Variants in DMD observed in about 807,000 individuals in gnomAD.
DMD encodes mutant dystrophin.
DMD carries 63 observed loss-of-function variants against 330.1 expected under a neutral mutation model. The observed-to-expected ratio is 0.19, with a 90% CI of 0.16 to 0.24. The LOEUF is 0.24. DMD is among the 10% of genes least tolerant of loss of function. DMD has a pLI of 1.00. For missense variants in DMD, 3,344 were observed against 2,684.1 expected (o/e 1.25, Z -5.43); for synonymous variants, 1,223 against 959.8 (o/e 1.27, Z -5.07).
Position 33,292,439 on chromosome X carries a change from C to T in DMD, c.7+46820G>A, listed in dbSNP as rs779289753. Reference sequence around the variant, plus strand: ...TTATTTATAAACAGATATACATATTCGGAAGATCTTCAAAGTAGTACATTG... The same window carrying T: ...TTATTTATAAACAGATATACATATTTGGAAGATCTTCAAAGTAGTACATTG... On this transcript the variant is annotated intron_variant, in intron 1 of 17. Coordinates refer to the DMD transcript ENST00000288447. Among the ~76,000 whole-genome samples the T allele has an allele frequency of 4.5e-5, 5 of 111,083 alleles. No individual in the cohort carries two copies. The East Asian group carries it at 1.4e-3, about 31-fold the overall frequency.
intron 1 of DMD, 78 bp downstream of exon 1, chrX:33,211,204 A>G (rs1431279579): frequency 2.7e-6 from 3 of 1,119,773 alleles, no homozygotes; most frequent in Non-Finnish European, 3.6e-6. Flanking sequence ...TTTAAAATCA[A>G]TCTACCTAAT....
intron 44 of DMD, among the ~76,000 whole-genome samples, chrX:32,187,732 T>A (rs1383941597): frequency 9.0e-6 from 1 of 111,376 alleles, no homozygotes; most frequent in South Asian, 3.7e-4. Flanking sequence ...TACAACTTTT[T>A]AACCCCTAAC....
intron 7 of DMD, among the ~76,000 whole-genome samples, chrX:32,767,583 A>C (rs1192725401): frequency 9.0e-6 from 1 of 111,565 alleles, no homozygotes; most frequent in Non-Finnish European, 1.9e-5. Context: ...TCAACAAGAA[A>C]ATTTTGTAAT....
intron 43 of DMD, among the ~76,000 whole-genome samples, chrX:32,282,170 AC>A (rs2097423051): frequency 1.8e-5 from 2 of 111,807 alleles, no homozygotes; most frequent in Non-Finnish European, 1.9e-5. Context: ...GGAAACACTC[AC>A]TAATGGCTTA....
At chrX:31,501,198 ACTTC>A (rs1381070706) in intron 56 of DMD, among the ~76,000 whole-genome samples, 6 of 112,056 alleles carry the variant, frequency 5.4e-5, no homozygotes, top group Non-Finnish European at 1.1e-4. Context: ...TCTGTATGTC[ACTTC>A]CTTTTTCTAT....
At chrX:33,256,600 C>G (rs763278040) in intron 1 of DMD, among the ~76,000 whole-genome samples, 6 of 109,012 alleles carry the variant, frequency 5.5e-5, no homozygotes, top group African/African-American at 2.0e-4. Context: ...ACTTTTCAAC[C>G]GAGAATGTAC....
At chrX:32,347,469 C>T (rs745437879) in intron 38 of DMD, among the ~76,000 whole-genome samples, 6 of 111,400 alleles carry the variant, frequency 5.4e-5, no homozygotes, top group South Asian at 3.7e-4. Context: ...AAGCCTCTTC[C>T]GTCTTTCCAC....
chrX:32,083,270 A>G (rs905653414), intron 44 of DMD, among the ~76,000 whole-genome samples: 9 of 82,353 alleles, frequency 1.1e-4, no homozygotes, highest in Non-Finnish European at 2.0e-4. Context: ...TGAATAAAAA[A>G]TCTTTTTTTT....
Position 33,174,287 on chromosome X carries a change from A to G in DMD, c.31+36995T>C, listed in dbSNP as rs1047835159. Among the ~76,000 whole-genome samples, 19 of 110,843 alleles carry G rather than the reference A, an allele frequency of 1.7e-4. 1 individual carries two copies. Among genetic ancestry groups the G allele is most frequent in the African/African-American group, 5.9e-4 (18 of 30,525 alleles). On this transcript the variant is annotated intron_variant, in intron 1 of 78. Transcript: ENST00000357033. ...TAAAGGATGGTGATGAGGAATGGTG[A>G]GTTTCCAGGTCACTGGAAACTGAAA...
At chrX:31,988,810 A>T (rs111984306) in intron 44 of DMD, among the ~76,000 whole-genome samples, 147 of 109,969 alleles carry the variant, frequency 1.3e-3, no homozygotes, top group African/African-American at 4.3e-3. Flanking sequence ...TCTCTCTCGA[A>T]ACCAGAGAGG....
At chrX:31,314,131 G>C (rs1467588705) in intron 62 of DMD, among the ~76,000 whole-genome samples, 1 of 112,033 alleles carries the variant, frequency 8.9e-6, no homozygotes, top group Non-Finnish European at 1.9e-5. Context: ...CACCACGCCC[G>C]ACTGATAGCC....
At chrX:31,437,882 T>C (rs2064652997) in intron 60 of DMD, among the ~76,000 whole-genome samples, 2 of 107,714 alleles carry the variant, frequency 1.9e-5, no homozygotes, top group Non-Finnish European at 3.8e-5. Context: ...TACATCTATA[T>C]CATATATATA....
At chrX:31,339,035 G>A (rs2057574734) in intron 61 of DMD, among the ~76,000 whole-genome samples, 1 of 108,852 alleles carries the variant, frequency 9.2e-6, no homozygotes, top group Non-Finnish European at 1.9e-5. Flanking sequence ...CTGATTTCAA[G>A]CTACCAAAGG....
chrX:33,143,574 G>A (rs2047895887), intron 1 of DMD, among the ~76,000 whole-genome samples: 1 of 111,181 alleles, frequency 9.0e-6, no homozygotes, highest in Non-Finnish European at 1.9e-5. Context: ...CCCTTATTTA[G>A]GGTAGAGGGC....
chrX:32,587,471 T>C (rs2054427288), intron 13 of DMD, among the ~76,000 whole-genome samples: 1 of 112,381 alleles, frequency 8.9e-6, no homozygotes. Flanking sequence ...TTGACTTCTT[T>C]ATATTTTGCC....
intron 1 of DMD, among the ~76,000 whole-genome samples, chrX:33,228,804 C>T (rs1284552646): frequency 1.8e-5 from 2 of 108,127 alleles, no homozygotes; most frequent in East Asian, 5.8e-4. Flanking sequence ...AACTGCCAAA[C>T]TATTTTCCAG....
intron 8 of DMD, among the ~76,000 whole-genome samples, 171 bp from the exon 9 acceptor site, chrX:32,698,169 G>C (rs1247646933): frequency 9.0e-6 from 1 of 111,327 alleles, no homozygotes; most frequent in African/African-American, 3.3e-5. Context: ...TATACTCCCA[G>C]AATGAAGGCA....
chrX:31,829,453 T>TAA (rs751852041), intron 49 of DMD, among the ~76,000 whole-genome samples: 6 of 97,909 alleles, frequency 6.1e-5, no homozygotes, highest in Admixed American at 2.2e-4. Context: ...AAATTAAAAA[T>TAA]AAAAAAAAAT....
intron 60 of DMD, among the ~76,000 whole-genome samples, chrX:31,380,197 C>T (rs933552114): frequency 9.0e-6 from 1 of 110,826 alleles, no homozygotes; most frequent in Admixed American, 9.6e-5. Context: ...ACTCTGGTGC[C>T]AACTTAGACG....
Sources: allele counts gnomAD v4.1 joint callset (sites outside exome capture counted in the v4.1 genomes callset), GRCh38; gene constraint gnomAD v4.1.1; transcripts MANE v1.5; gene names NCBI Gene and HGNC (gene_info 2026-07-23, HGNC 2026-07-21).